The following UBR3 variants were observed in gnomAD, a reference collection of about 807,000 sequenced individuals.
UBR3 encodes E3 ubiquitin-protein ligase UBR3.
UBR3 carries 85 observed loss-of-function variants against 243.2 expected under a neutral mutation model. The ratio of observed to expected loss-of-function variants is 0.35; its 90% CI spans 0.29 to 0.42. The LOEUF is 0.42. Among genes scored for constraint, UBR3 ranks in the 10% least tolerant of loss-of-function variants. The pLI, the probability that UBR3 is intolerant of heterozygous loss-of-function variation, is 1.00. For missense variants in UBR3, 1,686 were observed against 2,300.8 expected (o/e 0.73, Z 5.47); for synonymous variants, 748 against 799.8 (o/e 0.94, Z 1.09).
chr2:169,921,067 A>G (rs532278842), intron 11 of UBR3, among the ~76,000 whole-genome samples: 67 of 152,324 alleles, frequency 4.4e-4, no homozygotes, highest in Non-Finnish European at 1.9e-4. Flanking sequence ...ATAAGTAAAC[A>G]TAATTTGATA....
At chr2:169,919,269 G>A (rs964147584) in intron 11 of UBR3, among the ~76,000 whole-genome samples, 1 of 152,204 alleles carries the variant, frequency 6.6e-6, no homozygotes, top group Non-Finnish European at 1.5e-5. Context: ...GTGAGTGGAA[G>A]AAGTTCAAGG....
At chr2:169,891,646 T>A (rs1345288010) in intron 6 of UBR3, among the ~76,000 whole-genome samples, 4 of 110,622 alleles carry the variant, frequency 3.6e-5, no homozygotes, top group African/African-American at 1.6e-4. Context: ...ACACAGGGAA[T>A]GAACAAATAG....
intron 24 of UBR3, among the ~76,000 whole-genome samples, chr2:169,982,215 A>G (rs971697824): frequency 1.2e-4 from 18 of 152,128 alleles, no homozygotes; most frequent in African/African-American, 4.3e-4. Flanking sequence ...TTCAAATAAA[A>G]ATGTATTTCA....
chr2:170,077,944 G>A, intron 36 of UBR3: 1 of 551,046 alleles, frequency 1.8e-6, no homozygotes, highest in Admixed American at 2.5e-5. Context: ...TTTAGACAGA[G>A]GGACTTTCCA....
At chr2:170,013,755 T>A (rs2090152001) in intron 29 of UBR3, 1 of 221,584 alleles carries the variant, frequency 4.5e-6, no homozygotes, top group Non-Finnish European at 1.0e-5. Context: ...AAGTATTGTT[T>A]GTGTTTCTGG....
At chr2:169,898,673 T>TC (rs201301429) in intron 8 of UBR3, among the ~76,000 whole-genome samples, 1,916 of 151,598 alleles carry the variant, frequency 0.013, 22 homozygotes, top group Non-Finnish European at 0.021. Context: ...CTTCACCTTT[T>TC]TTTTTTTTTT....
At chr2:170,023,527 AGCC>A (rs1342499701) in intron 30 of UBR3, among the ~76,000 whole-genome samples, 1 of 151,898 alleles carries the variant, frequency 6.6e-6, no homozygotes, top group Non-Finnish European at 1.5e-5. Flanking sequence ...CTCCTGCCTC[AGCC>A]TCCAAAGTAG....
At chr2:170,007,216 A>G (rs1407972394) in intron 28 of UBR3, 26 bp downstream of exon 28, 1 of 1,562,246 alleles carries the variant, frequency 6.4e-7, no homozygotes, top group Admixed American at 1.9e-5. Context: ...AGGCATAAAT[A>G]TCCTGGTTAA....
At chr2:169,887,950 A>G (rs1247705529) in intron 5 of UBR3, among the ~76,000 whole-genome samples, 1 of 148,638 alleles carries the variant, frequency 6.7e-6, no homozygotes, top group Non-Finnish European at 1.5e-5. Flanking sequence ...CTAATTTTGT[A>G]TTTTTAGTAG....
chr2:169,914,872 G>T (rs13026603), intron 11 of UBR3, among the ~76,000 whole-genome samples: 96 of 56,570 alleles, frequency 1.7e-3, no homozygotes, highest in Admixed American at 3.9e-3. Flanking sequence ...GTGTGTGTGT[G>T]TTTTTTTTCC....
intron 24 of UBR3, among the ~76,000 whole-genome samples, chr2:169,983,445 G>A (rs2088850629): frequency 6.6e-6 from 1 of 151,878 alleles, no homozygotes; most frequent in African/African-American, 2.4e-5. Flanking sequence ...ATTTTTAGTA[G>A]AGATGGGGTT....
At chr2:170,011,626 C>CT (rs35877456) in intron 29 of UBR3, among the ~76,000 whole-genome samples, 2,213 of 123,268 alleles carry the variant, frequency 0.018, 25 homozygotes, top group African/African-American at 0.026. Context: ...TACAGCTTTT[C>CT]TTTTTTTTTT....
chr2:169,953,077 C>T (rs1437065270), intron 23 of UBR3, among the ~76,000 whole-genome samples: 1 of 152,116 alleles, frequency 6.6e-6, no homozygotes, highest in East Asian at 1.9e-4. Context: ...GTAATTATTA[C>T]TAATAATGTG....
At chr2:169,876,062 C>A in intron 3 of UBR3, 113 bp downstream of exon 3, 1 of 899,240 alleles carries the variant, frequency 1.1e-6, no homozygotes, top group Non-Finnish European at 1.5e-6. Context: ...AATGCTAAAG[C>A]TGGAAGTTAT....
In UBR3 at chr2:170,083,637, T is replaced by C. The variant is rs1371392991; in HGVS notation, c.*1794T>C. 1.3e-5 allele frequency: 2 copies of C among 152,618 alleles called. No individual in the cohort carries two copies. The highest frequency in any genetic ancestry group is 2.9e-5 in the Non-Finnish European group (2 of 67,996). The allele number at this position is 152,618 out of a possible 1,614,324, so 9.5% of individuals were successfully genotyped here. On this transcript the variant is annotated 3_prime_UTR_variant, in exon 39 of 39. Coordinates refer to ENST00000272793, the MANE Select transcript of UBR3 (RefSeq NM_172070.4). ...TACAGTTTGAAACTCTGATGCTATATATACATGGTATAATGTATTCAGACT... is the reference window on the plus strand; with the variant it reads ...TACAGTTTGAAACTCTGATGCTATACATACATGGTATAATGTATTCAGACT...
At chr2:169,935,651 T>C (rs2086298047) in intron 19 of UBR3, among the ~76,000 whole-genome samples, 2 of 152,260 alleles carry the variant, frequency 1.3e-5, no homozygotes, top group African/African-American at 4.8e-5. Flanking sequence ...TGCTGCCCCA[T>C]GTTTGAAAGT....
intron 29 of UBR3, among the ~76,000 whole-genome samples, chr2:170,009,353 C>T (rs1250010648): frequency 2.0e-5 from 3 of 151,800 alleles, no homozygotes; most frequent in East Asian, 1.9e-4. Flanking sequence ...AAATAGAAAC[C>T]GAAAAGATCT....
intron 5 of UBR3, among the ~76,000 whole-genome samples, chr2:169,884,156 C>CTT (rs757405113): frequency 1.4e-4 from 18 of 130,414 alleles, no homozygotes; most frequent in South Asian, 2.5e-4. Context: ...GGAGAGCTGA[C>CTT]TTTTTTTTTT....
chr2:169,862,177 A>G (rs984738885), intron 1 of UBR3, among the ~76,000 whole-genome samples: 7 of 152,020 alleles, frequency 4.6e-5, no homozygotes, highest in Non-Finnish European at 8.8e-5. Context: ...TCTTATGTGC[A>G]TGCCGTAATT....
Sources: gnomAD v4.1 joint callset for allele counts (sites outside exome capture counted in the v4.1 genomes callset) on GRCh38, gnomAD v4.1.1 for gene constraint, MANE v1.5 for transcripts, NCBI Gene and HGNC (gene_info 2026-07-23, HGNC 2026-07-21) for gene names.